The following NRAP variants were observed in gnomAD, a reference collection of about 807,000 sequenced individuals.
NRAP encodes the protein nebulin related anchoring protein.
In NRAP, 189 loss-of-function variants were observed where a neutral mutation model predicts 225.9. The ratio of observed to expected loss-of-function variants is 0.84; its 90% CI spans 0.74 to 0.94. The LOEUF (loss-of-function observed/expected upper bound fraction) is 0.94, where lower values mean the gene tolerates loss of function less well. Ranked by LOEUF, NRAP falls within the 40% of genes least tolerant of loss-of-function variation. The pLI is 0.00. For missense variants in NRAP, 2,176 were observed against 2,168.7 expected (o/e 1.00, Z -0.07); for synonymous variants, 769 against 790.7 (o/e 0.97, Z 0.46).
intron 11 of NRAP, among the ~76,000 whole-genome samples, chr10:113,644,109 T>G (rs1368674423): frequency 2.5e-5 from 3 of 117,918 alleles, no homozygotes; most frequent in African/African-American, 3.2e-5. Context: ...ACTGCGCCAT[T>G]GCACTCCAGC....
intron 34 of NRAP, among the ~76,000 whole-genome samples, chr10:113,605,506 G>A (rs1430362875): frequency 1.3e-5 from 2 of 152,220 alleles, no homozygotes; most frequent in Non-Finnish European, 2.9e-5. Context: ...GGGGACCGTC[G>A]CCTAGACGTT....
In NRAP at chr10:113,617,499, G is replaced by C; in HGVS notation, c.2929C>G (p.Pro977Ala). The change falls in exon 26 of 42, where the codon CCG (proline) becomes GCG (alanine). Residue 977 changes from proline (P) to alanine (A), a missense_variant. Physicochemically the swap from Pro to Ala is conservative, Grantham distance 27 (BLOSUM62 -1). Around this residue, in one of 3 missense-constraint regions of NRAP, gnomAD observed 1,708 missense variants for 1,695.5 expected, o/e 1.01. Transcript: ENST00000359988. ...CTAATTCTGGCCTGGACCATCTCCGGAGTGTCTTTAATACTGGTAAACTTC... is the reference window on the plus strand; with the variant it reads ...CTAATTCTGGCCTGGACCATCTCCGCAGTGTCTTTAATACTGGTAAACTTC... ...ALKFTSIKDTPEMVQARISYT... is the reference protein window; with the variant it reads ...ALKFTSIKDTAEMVQARISYT... 6.2e-7 allele frequency: 1 copy of C among 1,612,574 alleles called. No individual in the cohort carries two copies. Among genetic ancestry groups the C allele is most frequent in the Non-Finnish European group, 8.5e-7 (1 of 1,178,680 alleles).
At chr10:113,645,051 A>G (rs180807536) in intron 11 of NRAP, among the ~76,000 whole-genome samples, 1 of 152,312 alleles carries the variant, frequency 6.6e-6, no homozygotes, top group East Asian at 1.9e-4. Context: ...GCCAAACAAA[A>G]CACACCCCTC....
chr10:113,649,963 G>T, intron 9 of NRAP, 74 bp downstream of exon 9: 2 of 848,856 alleles, frequency 2.4e-6, no homozygotes, highest in Non-Finnish European at 2.0e-6. Flanking sequence ...TGATTAAATT[G>T]TCATAGCTGT....
At chr10:113,648,239 C>G (rs1055158240) in intron 9 of NRAP, among the ~76,000 whole-genome samples, 12 of 152,106 alleles carry the variant, frequency 7.9e-5, no homozygotes, top group African/African-American at 2.9e-4. Flanking sequence ...ATTAGAAAGT[C>G]CAGGCTCCCC....
In NRAP at chr10:113,663,870, G is replaced by T. The variant is rs777425518; in HGVS notation, c.13C>A (p.Pro5Thr). The stretch of plus-strand genomic sequence containing the variant: ...ACCCCATACCCACACCTAGAACAGG[G>T]CTGCACATTCATCTCGAAGCCGGAA... MNVQ[P>T]CSRCGYGVYP... Residue 5 changes from proline to threonine, a missense_variant, in exon 1 of 42, where the codon CCC becomes ACC. By Grantham distance (38) the Pro-to-Thr change is conservative (BLOSUM62 -1). Coordinates refer to ENST00000359988, the MANE Select transcript of NRAP (RefSeq NM_198060.4). 1 of 1,613,536 alleles carries T rather than the reference G, an allele frequency of 6.2e-7. No homozygotes were observed. The highest frequency in any genetic ancestry group is 8.5e-7 in the Non-Finnish European group (1 of 1,179,548).
chr10:113,597,100 TATA>T lies in NRAP; in HGVS notation c.4414_4416del (p.Tyr1472del), dbSNP rs1846325079. 3 of 1,611,546 alleles carry T rather than the reference TATA, an allele frequency of 1.9e-6. No individual in the cohort carries two copies. The highest frequency in any genetic ancestry group is 1.6e-4 in the Middle Eastern group (1 of 6,084). On this transcript the variant is annotated inframe_deletion, in exon 37 of 42. Transcript: ENST00000359988. The stretch of plus-strand genomic sequence containing the variant: ...AAAGGACCCACCTCATTGCAGTGCA[TATA>T]GCTGTTCTTGGCATGAACCAGGTCT...
chr10:113,640,984 C>T (rs1449471490), intron 13 of NRAP, among the ~76,000 whole-genome samples: 2 of 152,148 alleles, frequency 1.3e-5, no homozygotes, highest in African/African-American at 4.8e-5. Context: ...AACAAACCAG[C>T]TTACCAACCA....
intron 14 of NRAP, among the ~76,000 whole-genome samples, chr10:113,635,828 C>T (rs1848837870): frequency 6.6e-6 from 1 of 152,212 alleles, no homozygotes; most frequent in Non-Finnish European, 1.5e-5. Context: ...TCACCTGGTT[C>T]CTTTCATTCA....
intron 28 of NRAP, among the ~76,000 whole-genome samples, 186 bp from the exon 29 acceptor site, chr10:113,614,482 G>C (rs982524210): frequency 3.3e-5 from 5 of 152,190 alleles, no homozygotes; most frequent in South Asian, 2.1e-4. Context: ...TAAAGGGCTC[G>C]GCTGTGAAAT....
chr10:113,646,990 C>T lies in NRAP; in HGVS notation c.926G>A (p.Gly309Asp), dbSNP rs1849550924. 2 of 1,614,088 alleles carry T rather than the reference C, an allele frequency of 1.2e-6. No homozygotes were observed. The highest frequency in any genetic ancestry group is 2.2e-5 in the East Asian group (1 of 44,880). Reference protein sequence around the residue: ...PEEYEEHRGKGSFPAMITPAY... With the variant: ...PEEYEEHRGKDSFPAMITPAY... ...TGGAGTGATCATAGCTGGGAAGCTG[C>T]CCTTTCCCCTGTGCTCCTCATACTC... The change falls in exon 10 of 42, where the codon GGC becomes GAC. Residue 309 changes from glycine (G) to aspartate (D), a missense_variant. Physicochemically the swap from Gly to Asp is moderately conservative, Grantham distance 94. This residue lies in a region of NRAP where 1,708 missense variants were observed against 1,695.5 expected (regional missense o/e 1.01). Coordinates refer to ENST00000359988, the MANE Select transcript of NRAP (RefSeq NM_198060.4).
chr10:113,609,438 ACT>A (rs1234815828), intron 31 of NRAP, among the ~76,000 whole-genome samples: 1 of 152,150 alleles, frequency 6.6e-6, no homozygotes, highest in African/African-American at 2.4e-5. Flanking sequence ...AACACCTATT[ACT>A]TCCAGTACCT....
chr10:113,590,554 A>G (rs1220819064), intron 40 of NRAP, 24 bp downstream of exon 40: 16 of 1,599,706 alleles, frequency 1.0e-5, no homozygotes, highest in African/African-American at 1.3e-5. Context: ...AAGGGCCTCA[A>G]GGGAGTGGGT....
Position 113,624,285 on chromosome 10 carries a change from G to A in NRAP, c.2349+541C>T, listed in dbSNP as rs536526559. Among the ~76,000 whole-genome samples, 122 of 152,210 alleles carry A rather than the reference G, an allele frequency of 8.0e-4. 1 individual carries two copies. The highest frequency in any genetic ancestry group is 1.3e-3 in the Non-Finnish European group (90 of 68,028). ...CTTTCCCCAGAAGATACAGAGAAGG[G>A]GAAGTTGGAACTATGGATGCTTTCA... On this transcript the variant is annotated intron_variant, in intron 22 of 41. Coordinates refer to ENST00000359988, the MANE Select transcript of NRAP (RefSeq NM_198060.4).
chr10:113,624,404 T>A (rs1475956813), intron 22 of NRAP, among the ~76,000 whole-genome samples: 1 of 152,198 alleles, frequency 6.6e-6, no homozygotes, highest in Non-Finnish European at 1.5e-5. Context: ...ACGGGACTAA[T>A]ATTGGTATCA....
intron 9 of NRAP, among the ~76,000 whole-genome samples, chr10:113,647,736 AT>A (rs1273816788): frequency 6.9e-6 from 1 of 145,524 alleles, no homozygotes; most frequent in Non-Finnish European, 1.5e-5. Context: ...GGTATGTGTC[AT>A]GTAACCAGAA....
At chr10:113,650,180 C>T (rs1345773378) in intron 8 of NRAP, 39 bp from the exon 9 acceptor site, 2 of 1,297,994 alleles carry the variant, frequency 1.5e-6, no homozygotes, top group Admixed American at 1.7e-5. Flanking sequence ...GAATTTGACT[C>T]CCATGCACAG....
In NRAP at chr10:113,640,274, G is replaced by C; in HGVS notation, c.1381C>G (p.Leu461Val). ...DIVDYNYPAT[L>V]TPSYQTAMKL... ...ATAGCTGTTTGATAGGAAGGCGTGA[G>C]AGTGGCTGGGTAGTTGTAGTCGACA... The change falls in exon 14 of 42, where the codon CTC becomes GTC. Residue 461 changes from leucine to valine, a missense_variant. Physicochemically the swap from Leu to Val is conservative, Grantham distance 32. Around this residue, in one of 3 missense-constraint regions of NRAP, gnomAD observed 1,708 missense variants for 1,695.5 expected, o/e 1.01. Coordinates refer to ENST00000359988, the MANE Select transcript of NRAP (RefSeq NM_198060.4). 6.2e-7 allele frequency: 1 copy of C among 1,605,076 alleles called. No homozygotes were observed. Among genetic ancestry groups the C allele is most frequent in the Non-Finnish European group, 8.5e-7 (1 of 1,176,088 alleles).
At chr10:113,615,653 G>T in intron 27 of NRAP, 59 bp downstream of exon 27, 1 of 903,036 alleles carries the variant, frequency 1.1e-6, no homozygotes, top group Non-Finnish European at 1.9e-6. Context: ...TTGTGTGCCT[G>T]CCCATGACCA....
Sources: gnomAD v4.1 joint callset for allele counts (sites outside exome capture counted in the v4.1 genomes callset) on GRCh38, gnomAD v4.1.1 for gene constraint, gnomAD v4.1.1 regional missense constraint, MANE v1.5 for transcripts, NCBI Gene and HGNC (gene_info 2026-07-23, HGNC 2026-07-21) for gene names.